Variants in LRRC49 observed in about 807,000 individuals in gnomAD.
The protein encoded by LRRC49 is leucine rich repeat containing 49.
LRRC49 carries 50 observed loss-of-function variants against 83.3 expected under a neutral mutation model. The ratio of observed to expected loss-of-function variants is 0.60; its 90% CI spans 0.48 to 0.76. LRRC49 has a LOEUF of 0.76. Among genes scored for constraint, LRRC49 ranks in the 30% least tolerant of loss-of-function variants. LRRC49 has a pLI of 0.00. For missense variants in LRRC49, 704 were observed against 809.1 expected (o/e 0.87, Z 1.58); for synonymous variants, 286 against 283.3 (o/e 1.01, Z -0.10).
At chr15:70,915,139 A>G (rs2034713340) in intron 6 of LRRC49, among the ~76,000 whole-genome samples, 1 of 152,206 alleles carries the variant, frequency 6.6e-6, no homozygotes, top group Admixed American at 6.5e-5. Flanking sequence ...GACTTTGTCC[A>G]TGGCTGTAAC....
At chr15:70,895,778 T>A in intron 2 of LRRC49, 71 bp from the exon 3 acceptor site, 1 of 903,824 alleles carries the variant, frequency 1.1e-6, no homozygotes, top group Admixed American at 2.1e-5. Flanking sequence ...TTATATGTTT[T>A]TTTAATTTAT....
At position 71,013,158 on chromosome 15, in the gene LRRC49, G is replaced by A. The variant is rs138656517; in HGVS notation, c.1703+245G>A. Among the ~76,000 whole-genome samples the A allele has an allele frequency of 8.7e-3, 1,327 of 152,264 alleles. 18 individuals are homozygous for A. Among genetic ancestry groups the A allele is most frequent in the Middle Eastern group, 0.01 (3 of 294 alleles). On this transcript the variant is annotated intron_variant, in intron 14 of 15. Transcript: ENST00000260382. ...ACGTAATGTTTCAGGTGCTATAAGG[G>A]AGGGCTGTAGGAGGGACTAACCATA...
At chr15:70,901,475 G>A (rs906239714) in intron 4 of LRRC49, among the ~76,000 whole-genome samples, 2 of 151,960 alleles carry the variant, frequency 1.3e-5, no homozygotes, top group Admixed American at 6.6e-5. Flanking sequence ...TCAGGAATTT[G>A]GTGCTTACTA....
At chr15:70,946,194 T>A (rs866689671) in intron 8 of LRRC49, among the ~76,000 whole-genome samples, 7 of 152,148 alleles carry the variant, frequency 4.6e-5, no homozygotes, top group Admixed American at 2.0e-4. Flanking sequence ...TTGAACTAAT[T>A]CCTCCTGTCT....
At chr15:70,913,790 CAT>C (rs775755275) in intron 6 of LRRC49, among the ~76,000 whole-genome samples, 19 of 152,198 alleles carry the variant, frequency 1.2e-4, no homozygotes, top group Non-Finnish European at 2.6e-4. Flanking sequence ...AAATAATAAA[CAT>C]ATGATTTTCA....
chr15:71,008,441 T>C lies in LRRC49; in HGVS notation c.1232T>C (p.Val411Ala), dbSNP rs1454615152. ...TTATCTGTCATAGACACATACCTTGTTGAAGTGGACGGGGATACACTTTCC... is the reference window on the plus strand; with the variant it reads ...TTATCTGTCATAGACACATACCTTGCTGAAGTGGACGGGGATACACTTTCC... Reference protein sequence around the residue: ...QGLSVIDTYLVEVDGDTLSLY... With the variant: ...QGLSVIDTYLAEVDGDTLSLY... The change falls in exon 12 of 16, where the codon GTT (valine) becomes GCT (alanine). Residue 411 changes from valine (V) to alanine (A), a missense_variant. Coordinates refer to ENST00000260382, the MANE Select transcript of LRRC49 (RefSeq NM_017691.5). 6.2e-7 allele frequency: 1 copy of C among 1,613,042 alleles called. No homozygotes were observed. Among genetic ancestry groups the C allele is most frequent in the Non-Finnish European group, 8.5e-7 (1 of 1,179,220 alleles).
At chr15:70,986,093 C>T (rs1321685228) in intron 11 of LRRC49, among the ~76,000 whole-genome samples, 1 of 151,298 alleles carries the variant, frequency 6.6e-6, no homozygotes, top group Admixed American at 6.6e-5. Flanking sequence ...GTTCTTTTGG[C>T]TTAGGATTGA....
chr15:70,883,133 G>A (rs1246795295), intron 2 of LRRC49, among the ~76,000 whole-genome samples: 1 of 151,972 alleles, frequency 6.6e-6, no homozygotes, highest in African/African-American at 2.4e-5. Context: ...CAGCCAGAAT[G>A]CATAAGCTAT....
intron 8 of LRRC49, among the ~76,000 whole-genome samples, chr15:70,951,523 A>T (rs560010201): frequency 6.6e-6 from 1 of 152,104 alleles, no homozygotes; most frequent in South Asian, 2.1e-4. Flanking sequence ...TTTTCTGGCT[A>T]CTATAAATGG....
At chr15:71,036,090 C>A (rs1393508782) in intron 14 of LRRC49, among the ~76,000 whole-genome samples, 1 of 152,020 alleles carries the variant, frequency 6.6e-6, no homozygotes, top group African/African-American at 2.4e-5. Flanking sequence ...TCTCTAATGA[C>A]CAGTGATGAT....
chr15:70,889,302 GAACAA>G (rs1337698739), upstream of LRRC49, among the ~76,000 whole-genome samples: 3 of 151,848 alleles, frequency 2.0e-5, no homozygotes, highest in Non-Finnish European at 4.4e-5. Context: ...ATGTAATGTT[GAACAA>G]AAGAAGCCAG....
At position 70,859,976 on chromosome 15, in the gene LRRC49, G is replaced by A. The variant is rs1225275620; in HGVS notation, c.-299+6507G>A. 4 of 759,608 alleles carry A rather than the reference G, an allele frequency of 5.3e-6. No individual in the cohort carries two copies. In the Admixed American group the frequency reaches 6.8e-5, roughly 13 times the overall value. The allele number at this position is 759,608 out of a possible 1,614,324, so 47.1% of individuals were successfully genotyped here. On this transcript the variant is annotated intron_variant, in intron 1 of 16. Transcript: ENST00000544974. ...GAAGACCACCAGCGGCTATGCAGGTGGTCTGAGCTCCACCTATGGGGACCT... is the reference window on the plus strand; with the variant it reads ...GAAGACCACCAGCGGCTATGCAGGTAGTCTGAGCTCCACCTATGGGGACCT...
intron 10 of LRRC49, among the ~76,000 whole-genome samples, chr15:70,981,321 A>ACATCACAC (rs2037388361): frequency 7.3e-6 from 1 of 137,788 alleles, no homozygotes; most frequent in South Asian, 2.7e-4. Flanking sequence ...AGGGAGGGGA[A>ACATCACAC]CATCACACAC....
intron 2 of LRRC49, among the ~76,000 whole-genome samples, chr15:70,880,120 G>C (rs1199522831): frequency 6.6e-6 from 1 of 152,002 alleles, no homozygotes; most frequent in Non-Finnish European, 1.5e-5. Flanking sequence ...CTATCACCTG[G>C]AATTCTCTTC....
chr15:70,942,114 A>T (rs2035844126), intron 8 of LRRC49, among the ~76,000 whole-genome samples: 1 of 151,572 alleles, frequency 6.6e-6, no homozygotes, highest in East Asian at 1.9e-4. Flanking sequence ...AGGCTTCTGG[A>T]ACTAAAATTA....
intron 6 of LRRC49, chr15:70,918,773 G>A (rs539957439): frequency 7.2e-5 from 19 of 263,074 alleles, no homozygotes; most frequent in Non-Finnish European, 1.1e-4. Flanking sequence ...GACTGGGCAC[G>A]TAAAGTTGCC....
At chr15:70,983,433 GA>G (rs1417849608) in intron 10 of LRRC49, among the ~76,000 whole-genome samples, 2 of 152,078 alleles carry the variant, frequency 1.3e-5, no homozygotes, top group African/African-American at 4.8e-5. Context: ...GAGGTACCCT[GA>G]AATTTGAGAA....
rs753959582 is a variant in LRRC49, at chr15:70,963,942, C to G, written c.921+10C>G. On this transcript the variant is annotated intron_variant, in intron 9 of 15. Coordinates refer to ENST00000260382, the MANE Select transcript of LRRC49 (RefSeq NM_017691.5). ...TATGAAGAGAATCACGGTGAGAACCCTTCCAAAGTGTTCACCATGTTGTTG... is the reference window on the plus strand; with the variant it reads ...TATGAAGAGAATCACGGTGAGAACCGTTCCAAAGTGTTCACCATGTTGTTG... The G allele has an allele frequency of 2.3e-5, 37 of 1,610,724 alleles. No individual in the cohort carries two copies. Among genetic ancestry groups the G allele is most frequent in the Non-Finnish European group, 3.1e-5 (36 of 1,178,288 alleles).
At chr15:71,000,644 G>A (rs2038224434) in intron 11 of LRRC49, among the ~76,000 whole-genome samples, 1 of 152,042 alleles carries the variant, frequency 6.6e-6, no homozygotes, top group African/African-American at 2.4e-5. Flanking sequence ...TTCATATATA[G>A]TTTGTTTTTT....
Sources: gnomAD v4.1 joint callset for allele counts (sites outside exome capture counted in the v4.1 genomes callset) on GRCh38, gnomAD v4.1.1 for gene constraint, MANE v1.5 for transcripts, NCBI Gene and HGNC (gene_info 2026-07-23, HGNC 2026-07-21) for gene names.